Variants in SIGLEC9 observed in about 807,000 individuals in gnomAD.
The protein encoded by SIGLEC9 is sialic acid binding Ig like lectin 9.
Under a neutral mutation model 38.3 loss-of-function variants are expected in SIGLEC9, and 26 were observed. The ratio of observed to expected loss-of-function variants is 0.68; its 90% CI spans 0.50 to 0.94. SIGLEC9 has a LOEUF of 0.94. Ranked by LOEUF, SIGLEC9 falls within the 40% of genes least tolerant of loss-of-function variation. SIGLEC9 has a pLI of 0.00. For synonymous variants in SIGLEC9, 236 were observed against 248.0 expected (o/e 0.95, Z 0.45); for missense variants, 556 against 585.7 (o/e 0.95, Z 0.52).
exon 7 of SIGLEC9, chr19:51,136,129 A>C: frequency 1.4e-6 from 1 of 703,878 alleles, no homozygotes; most frequent in Non-Finnish European, 2.6e-6. Flanking sequence ...GGTCACTTGA[A>C]GGTAAAATAC....
chr19:51,135,507 A>G (rs1211652163), intron 6 of SIGLEC9, among the ~76,000 whole-genome samples: 1 of 151,964 alleles, frequency 6.6e-6, no homozygotes, highest in African/African-American at 2.4e-5. Flanking sequence ...TGCATTGAAT[A>G]TTTTTTCTTT....
chr19:51,124,335 C>G (rs146876473), upstream of SIGLEC9, among the ~76,000 whole-genome samples: 1 of 152,070 alleles, frequency 6.6e-6, no homozygotes, highest in Admixed American at 6.5e-5. Context: ...CCCTGACCTA[C>G]GGGAGAGTGA....
intron 6 of SIGLEC9, among the ~76,000 whole-genome samples, chr19:51,129,315 C>T (rs376231847): frequency 6.1e-5 from 9 of 147,660 alleles, no homozygotes; most frequent in African/African-American, 1.5e-4. Context: ...CCTGCCACCA[C>T]GCCCAGCTAA....
chr19:51,124,473 G>C (rs368641164), upstream of SIGLEC9, among the ~76,000 whole-genome samples: 33 of 152,226 alleles, frequency 2.2e-4, 1 homozygote, highest in South Asian at 4.1e-3. Context: ...TGTTGACCTC[G>C]TTGTGCAGAA....
Position 51,127,063 on chromosome 19 carries a change from C to T in SIGLEC9, c.782C>T (p.Ser261Leu). 6.2e-7 allele frequency: 1 copy of T among 1,614,124 alleles called. No homozygotes were observed. Among genetic ancestry groups the T allele is most frequent in the Non-Finnish European group, 8.5e-7 (1 of 1,179,940 alleles). ...STVLGNGSSL[S>L]LPEGQSLRLV... ...GTCTTGGGAAATGGCTCATCTCTGTCACTCCCAGAGGGCCAGTCTCTGCGC... is the reference window on the plus strand; with the variant it reads ...GTCTTGGGAAATGGCTCATCTCTGTTACTCCCAGAGGGCCAGTCTCTGCGC... The change falls in exon 4 of 7, where the codon TCA (serine) becomes TTA (leucine). Residue 261 changes from serine to leucine, a missense_variant. Ser to Leu is a moderately radical substitution (Grantham distance 145). Transcript: ENST00000250360.
At chr19:51,124,206 TCA>T (rs2091960703), upstream of SIGLEC9, among the ~76,000 whole-genome samples, 6 of 152,264 alleles carry the variant, frequency 3.9e-5, 1 homozygote, top group African/African-American at 1.4e-4. Flanking sequence ...AGTCACAGCC[TCA>T]GTTTCCCAGA....
chr19:51,126,219 C>A, intron 3 of SIGLEC9, 91 bp downstream of exon 3: 2 of 1,274,292 alleles, frequency 1.6e-6, no homozygotes, highest in Non-Finnish European at 2.3e-6. Context: ...CTCACTTTGG[C>A]AAACAGGGAT....
In SIGLEC9 at chr19:51,125,730, G is replaced by T. The variant is rs2091973934; in HGVS notation, c.555G>T (p.Val185=). 3.1e-6 allele frequency: 5 copies of T among 1,614,012 alleles called. No individual in the cohort carries two copies. The highest frequency in any genetic ancestry group is 4.2e-6 in the Non-Finnish European group (5 of 1,179,964). The part of the protein sequence containing the change: ...PPMISWIGTS[V]SPLDPSTTRS... Reference sequence around the variant, plus strand: ...TGATCTCCTGGATAGGGACCTCCGTGTCCCCCCTGGACCCCTCCACCACCC... The same window carrying T: ...TGATCTCCTGGATAGGGACCTCCGTTTCCCCCCTGGACCCCTCCACCACCC... The change falls in exon 2 of 7, where the codon GTG becomes GTT. Residue 185 remains valine (V), a synonymous_variant. Transcript: ENST00000250360.
At chr19:51,121,317 G>A (rs893357157), upstream of SIGLEC9, among the ~76,000 whole-genome samples, 5 of 151,948 alleles carry the variant, frequency 3.3e-5, no homozygotes, top group East Asian at 1.9e-4. Context: ...CACCATGCCC[G>A]GCTCACCCTT....
At chr19:51,131,915 C>CA (rs534454904), downstream of SIGLEC9, among the ~76,000 whole-genome samples, 6,764 of 117,378 alleles carry the variant, frequency 0.058, 306 homozygotes, top group African/African-American at 0.12. Flanking sequence ...GAGTCTGTGT[C>CA]AAAAAAAAAA....
At chr19:51,129,783 A>T in intron 6 of SIGLEC9, 108 bp from the exon 7 acceptor site, 1 of 754,634 alleles carries the variant, frequency 1.3e-6, no homozygotes, top group Non-Finnish European at 2.2e-6. Flanking sequence ...TCCTGACCTC[A>T]GGTGATCCGC....
In SIGLEC9 at chr19:51,127,254, C is replaced by A. The variant is rs1365496387; in HGVS notation, c.973C>A (p.Pro325Thr). 3 of 1,614,012 alleles carry A rather than the reference C, an allele frequency of 1.9e-6. No homozygotes were observed. Among genetic ancestry groups the A allele is most frequent in the Admixed American group, 3.3e-5 (2 of 60,002 alleles). Residue 325 changes from proline to threonine, a missense_variant, in exon 4 of 7, where the codon CCT (proline) becomes ACT (threonine). By Grantham distance (38) the Pro-to-Thr change is conservative. Transcript: ENST00000250360. Reference sequence around the variant, plus strand: ...TGAATTCACCTGCAGAGCTCAGAACCCTCTCGGCTCTCAGCAGGTCTACCT... The same window carrying A: ...TGAATTCACCTGCAGAGCTCAGAACACTCTCGGCTCTCAGCAGGTCTACCT... Reference protein sequence around the residue: ...AAEFTCRAQNPLGSQQVYLNV... With the variant: ...AAEFTCRAQNTLGSQQVYLNV...
chr19:51,120,716 C>T (rs142623799), upstream of SIGLEC9: 121 of 189,856 alleles, frequency 6.4e-4, 3 homozygotes, highest in African/African-American at 2.7e-3. The surrounding 1 kb of genome is among the most constrained non-coding windows in gnomAD (Gnocchi z 4.1). Flanking sequence ...GAAGTTCCTC[C>T]GAGCTGGTGT....
intron 2 of SIGLEC9, 44 bp downstream of exon 2, chr19:51,125,919 G>T: frequency 6.2e-7 from 1 of 1,611,662 alleles, no homozygotes; most frequent in South Asian, 1.1e-5. Flanking sequence ...TGGGGTGAGC[G>T]TCAAGCCTGG....
At position 51,125,093 on chromosome 19, in the gene SIGLEC9, C is replaced by G; in HGVS notation, c.119C>G (p.Pro40Arg). Residue 40 changes from proline to arginine, a missense_variant, in exon 1 of 7, where the codon CCC (proline) becomes CGC (arginine). Transcript: ENST00000250360. ...CAGGAAGGCCTGTGTGTCCATGTGCCCTGCTCCTTCTCCTACCCCTCGCAT... is the reference window on the plus strand; with the variant it reads ...CAGGAAGGCCTGTGTGTCCATGTGCGCTGCTCCTTCTCCTACCCCTCGCAT... ...TVQEGLCVHV[P>R]CSFSYPSHGW... 3 of 1,614,034 alleles carry G rather than the reference C, an allele frequency of 1.9e-6. No individual in the cohort carries two copies. The highest frequency in any genetic ancestry group is 1.7e-6 in the Non-Finnish European group (2 of 1,180,006).
chr19:51,133,069 T>C (rs1256975887), downstream of SIGLEC9, among the ~76,000 whole-genome samples: 1 of 151,740 alleles, frequency 6.6e-6, no homozygotes, highest in Non-Finnish European at 1.5e-5. Context: ...AATTGATAAG[T>C]TGGTTCTGAA....
rs199508313 is a variant in SIGLEC9 at position 51,124,949 on chromosome 19, C to T, written c.-26C>T. ...ACCCTGAGGAACAGACGTTCCCTCG[C>T]GGCCCTGGCACCTCTAACCCCAGAC... On this transcript the variant is annotated 5_prime_UTR_variant, in exon 1 of 7. Transcript: ENST00000250360. 2.0e-4 allele frequency: 318 copies of T among 1,577,994 alleles called. 2 individuals carry two copies. The highest frequency in any genetic ancestry group is 9.8e-4 in the African/African-American group (73 of 74,328).
upstream of SIGLEC9, chr19:51,120,687 G>T: frequency 5.4e-6 from 1 of 185,654 alleles, no homozygotes; most frequent in South Asian, 1.2e-4. This position sits in a 1 kb window ranked among gnomAD's most constrained non-coding sequence, Gnocchi z 4.1. Context: ...GACCATGGCA[G>T]CAACCTCACC....
downstream of SIGLEC9, among the ~76,000 whole-genome samples, chr19:51,131,664 C>T (rs1361355765): frequency 6.6e-6 from 1 of 152,008 alleles, no homozygotes; most frequent in Non-Finnish European, 1.5e-5. Context: ...GCCTGTCATC[C>T]CAACACTTTG....
Sources: gnomAD v4.1 joint callset for allele counts (sites outside exome capture counted in the v4.1 genomes callset) on GRCh38, gnomAD v4.1.1 for gene constraint, Gnocchi (gnomAD v3.1) non-coding constraint, MANE v1.5 for transcripts, NCBI Gene and HGNC (gene_info 2026-07-23, HGNC 2026-07-21) for gene names.